The following ECT2L variants were observed in gnomAD, a reference collection of about 807,000 sequenced individuals.
The protein encoded by ECT2L is epithelial cell transforming 2 like.
A neutral mutation model predicts 122.8 loss-of-function variants in ECT2L; 126 were observed. The observed-to-expected ratio is 1.03, with a 90% CI of 0.89 to 1.19. The LOEUF (loss-of-function observed/expected upper bound fraction) is 1.19. ECT2L is among the 50% of genes most tolerant of loss of function. The pLI, the probability that ECT2L is intolerant of heterozygous loss-of-function variation, is 0.00. For missense variants in ECT2L, 1,012 were observed against 1,064.1 expected, an observed-to-expected ratio of 0.95 and a Z score of 0.68; for synonymous variants, 385 against 381.8, an observed-to-expected ratio of 1.01 and a Z score of -0.10.
At chr6:138,842,230 G>C (rs746467345) in intron 5 of ECT2L, among the ~76,000 whole-genome samples, 14 of 152,128 alleles carry the variant, frequency 9.2e-5, no homozygotes, top group Non-Finnish European at 1.6e-4. Flanking sequence ...AGGCTGAAGC[G>C]GGAGGATCAC....
At chr6:138,849,195 G>A (rs546273576) in intron 8 of ECT2L, 74 bp from the exon 9 acceptor site, 23 of 1,359,784 alleles carry the variant, frequency 1.7e-5, no homozygotes, top group Admixed American at 5.4e-5. Context: ...TTTTGTATCC[G>A]TTCTATTTCT....
chr6:138,841,583 C>T (rs1777041895), intron 5 of ECT2L, among the ~76,000 whole-genome samples: 2 of 152,204 alleles, frequency 1.3e-5, no homozygotes, highest in African/African-American at 2.4e-5. Flanking sequence ...TCCTTTCTTC[C>T]CTGTGAGAAT....
At chr6:138,805,594 G>A (rs1196603700) in intron 1 of ECT2L, among the ~76,000 whole-genome samples, 1 of 152,216 alleles carries the variant, frequency 6.6e-6, no homozygotes, top group African/African-American at 2.4e-5. Flanking sequence ...GGTTGCACAT[G>A]GGAGCTTAGT....
intron 4 of ECT2L, among the ~76,000 whole-genome samples, chr6:138,836,324 C>G (rs1224680204): frequency 7.3e-6 from 1 of 137,198 alleles, no homozygotes; most frequent in African/African-American, 2.8e-5. Flanking sequence ...GAGTTTTGCT[C>G]GTCACCCAGG....
intron 3 of ECT2L, among the ~76,000 whole-genome samples, chr6:138,813,617 T>C (rs4895548): frequency 0.39 from 59,481 of 152,004 alleles, 12,006 homozygotes; most frequent in South Asian, 0.6. Flanking sequence ...TTGCTGTAGA[T>C]AGGGAAGGAG....
At chr6:138,837,772 AG>A (rs1232825509) in intron 4 of ECT2L, among the ~76,000 whole-genome samples, 1 of 152,108 alleles carries the variant, frequency 6.6e-6, no homozygotes, top group Non-Finnish European at 1.5e-5. Flanking sequence ...GATAGTGAAA[AG>A]GTTTTATAGT....
intron 4 of ECT2L, chr6:138,822,790 A>G: frequency 6.2e-7 from 1 of 1,607,024 alleles, no homozygotes; most frequent in Non-Finnish European, 8.5e-7. Context: ...TATTATGAGG[A>G]AAATGAAATG....
At chr6:138,801,395 A>AT (rs1319646463) in intron 1 of ECT2L, among the ~76,000 whole-genome samples, 1 of 152,006 alleles carries the variant, frequency 6.6e-6, no homozygotes, top group African/African-American at 2.4e-5. Context: ...GATAATAAAT[A>AT]TTTTTTGCTT....
intron 8 of ECT2L, 103 bp from the exon 9 acceptor site, chr6:138,849,166 C>A: frequency 8.5e-7 from 1 of 1,171,234 alleles, no homozygotes; most frequent in South Asian, 2.6e-5. Context: ...TCTGAAAATT[C>A]TTTAGAAATC....
intron 1 of ECT2L, among the ~76,000 whole-genome samples, chr6:138,800,644 A>C (rs1473010127): frequency 6.6e-6 from 1 of 152,238 alleles, no homozygotes; most frequent in Non-Finnish European, 1.5e-5. Flanking sequence ...TAGTAAGAAG[A>C]TCACAGAGTT....
chr6:138,844,190 C>T (rs1777139138), intron 6 of ECT2L, among the ~76,000 whole-genome samples: 1 of 152,192 alleles, frequency 6.6e-6, no homozygotes, highest in African/African-American at 2.4e-5. Context: ...TGCTTGTTTG[C>T]TTGTTCTCTG....
At chr6:138,863,444 A>G (rs1777909424) in intron 11 of ECT2L, among the ~76,000 whole-genome samples, 2 of 152,186 alleles carry the variant, frequency 1.3e-5, no homozygotes, top group Admixed American at 6.6e-5. Flanking sequence ...AGATATAACA[A>G]AAGTGCTTTG....
chr6:138,855,971 C>T (rs746458400), intron 10 of ECT2L, among the ~76,000 whole-genome samples: 2 of 152,110 alleles, frequency 1.3e-5, no homozygotes, highest in Non-Finnish European at 2.9e-5. Context: ...CTTAATGACA[C>T]TCAAAAAATA....
chr6:138,833,857 A>G (rs1442882713), intron 4 of ECT2L, among the ~76,000 whole-genome samples: 5 of 151,980 alleles, frequency 3.3e-5, no homozygotes, highest in African/African-American at 1.2e-4. Context: ...AAACTGGGGT[A>G]TGAACAGCAC....
At position 138,902,864 on chromosome 6, in the gene ECT2L, T is replaced by G; in HGVS notation, c.*237T>G. 1 of 427,808 alleles carries G rather than the reference T, an allele frequency of 2.3e-6. No homozygotes were observed. Among genetic ancestry groups the G allele is most frequent in the Non-Finnish European group, 4.2e-6 (1 of 238,008 alleles). The allele number at this position is 427,808 out of a possible 1,614,324, so 26.5% of individuals were successfully genotyped here. A position where few individuals can be genotyped will look rare whatever the true frequency, so the allele number is the denominator to read the frequency against. On this transcript the variant is annotated 3_prime_UTR_variant, in exon 22 of 22. Transcript: ENST00000541398. The stretch of plus-strand genomic sequence containing the variant: ...TGAACTACTTCTTTTGGTAGCTGTA[T>G]TTCATGGATAATATTATTTAGAGTA...
intron 4 of ECT2L, among the ~76,000 whole-genome samples, chr6:138,836,416 G>A (rs1163881306): frequency 6.6e-6 from 1 of 151,424 alleles, no homozygotes; most frequent in South Asian, 2.1e-4. Flanking sequence ...AGCCTCCTGA[G>A]TAGCTGGGAT....
At chr6:138,850,953 A>G (rs1447603546) in intron 9 of ECT2L, among the ~76,000 whole-genome samples, 1 of 140,288 alleles carries the variant, frequency 7.1e-6, no homozygotes, top group African/African-American at 2.7e-5. Context: ...GTGAGCCAAG[A>G]TTGCACCTCC....
intron 14 of ECT2L, among the ~76,000 whole-genome samples, chr6:138,880,736 A>G (rs1164096640): frequency 2.6e-5 from 4 of 152,200 alleles, no homozygotes; most frequent in African/African-American, 9.7e-5. Context: ...ATCCAAGATT[A>G]AAAGTCCCTT....
intron 4 of ECT2L, among the ~76,000 whole-genome samples, chr6:138,824,575 C>CA (rs1174829999): frequency 0.27 from 34,446 of 128,320 alleles, 4,385 homozygotes; most frequent in Admixed American, 0.3. Context: ...AAACAAAAAA[C>CA]AAAAACAAAA....
Sources: gnomAD v4.1 joint callset for allele counts (sites outside exome capture counted in the v4.1 genomes callset) on GRCh38, gnomAD v4.1.1 for gene constraint, MANE v1.5 for transcripts, NCBI Gene and HGNC (gene_info 2026-07-23, HGNC 2026-07-21) for gene names.